SLC4A4: variants seen among roughly 807,000 people sequenced by gnomAD.
SLC4A4 encodes solute carrier family 4 member 4, also known as electrogenic sodium bicarbonate cotransporter 1.
Under a neutral mutation model 111.5 loss-of-function variants are expected in SLC4A4, and 27 were observed. That is an observed-to-expected ratio of 0.24 (90% confidence interval 0.18 to 0.33). The LOEUF is 0.33. SLC4A4 is among the 10% of genes least tolerant of loss of function. The pLI is 1.00. For synonymous variants in SLC4A4, 443 were observed against 463.4 expected, an observed-to-expected ratio of 0.96 and a Z score of 0.57; for missense variants, 909 against 1,315.5, an observed-to-expected ratio of 0.69 and a Z score of 4.78.
intron 8 of SLC4A4, among the ~76,000 whole-genome samples, chr4:71,443,657 A>T (rs1316350703): frequency 6.6e-6 from 1 of 152,176 alleles, no homozygotes; most frequent in Non-Finnish European, 1.5e-5. Flanking sequence ...TCTTATAAAG[A>T]AGAATAAAAC....
At chr4:71,189,622 A>G (rs1745643437) in intron 1 of SLC4A4, among the ~76,000 whole-genome samples, 1 of 152,208 alleles carries the variant, frequency 6.6e-6, no homozygotes, top group Admixed American at 6.5e-5. Flanking sequence ...TTAAAGGAAA[A>G]GACAACACTT....
intron 2 of SLC4A4, among the ~76,000 whole-genome samples, chr4:71,253,353 T>C (rs1721211570): frequency 6.6e-6 from 1 of 152,172 alleles, no homozygotes; most frequent in Non-Finnish European, 1.5e-5. Flanking sequence ...CAGATTTGGG[T>C]AAATATAATT....
At chr4:71,487,879 C>CT (rs1578023205) in intron 15 of SLC4A4, among the ~76,000 whole-genome samples, 2 of 151,408 alleles carry the variant, frequency 1.3e-5, no homozygotes, top group South Asian at 2.1e-4. Flanking sequence ...CTCTTGACTG[C>CT]TTTTTTTGCT....
intron 3 of SLC4A4, among the ~76,000 whole-genome samples, chr4:71,265,009 GA>G (rs1346988426): frequency 6.6e-6 from 1 of 152,200 alleles, no homozygotes; most frequent in Non-Finnish European, 1.5e-5. Context: ...ACCACACTTG[GA>G]AGGTTTATAG....
intron 3 of SLC4A4, among the ~76,000 whole-genome samples, chr4:71,256,853 T>G (rs922816087): frequency 6.6e-6 from 1 of 152,218 alleles, no homozygotes; most frequent in African/African-American, 2.4e-5. Context: ...CTGTCCATTG[T>G]GCATGTGATT....
At chr4:71,480,373 G>GAA (rs35495269) in intron 14 of SLC4A4, among the ~76,000 whole-genome samples, 4 of 133,928 alleles carry the variant, frequency 3.0e-5, no homozygotes, top group South Asian at 2.3e-4. Flanking sequence ...AGGATAATAA[G>GAA]AAAAAAAAAA....
chr4:71,229,724 A>G (rs1719281911), intron 1 of SLC4A4, among the ~76,000 whole-genome samples: 1 of 151,420 alleles, frequency 6.6e-6, no homozygotes, highest in African/African-American at 2.4e-5. Flanking sequence ...GGATGTCCAG[A>G]GCTCCAGCGG....
intron 3 of SLC4A4, among the ~76,000 whole-genome samples, chr4:71,282,446 C>T (rs746220741): frequency 1.5e-4 from 23 of 151,422 alleles, no homozygotes; most frequent in African/African-American, 3.9e-4. Context: ...CCACCATGCC[C>T]GGCTAATTTT....
At chr4:71,533,302 G>T (rs2149212161) in intron 17 of SLC4A4, among the ~76,000 whole-genome samples, 1 of 152,204 alleles carries the variant, frequency 6.6e-6, no homozygotes, top group Admixed American at 6.5e-5. Flanking sequence ...ATGCATTGAT[G>T]AGTAAGACAA....
At chr4:71,495,919 A>G (rs1238233356) in intron 15 of SLC4A4, among the ~76,000 whole-genome samples, 2 of 152,086 alleles carry the variant, frequency 1.3e-5, no homozygotes, top group Non-Finnish European at 1.5e-5. Context: ...ATCCATTTAG[A>G]TAGGTACAAT....
chr4:71,430,483 T>A (rs999355029), intron 7 of SLC4A4, among the ~76,000 whole-genome samples: 1 of 152,182 alleles, frequency 6.6e-6, no homozygotes, highest in Non-Finnish European at 1.5e-5. Flanking sequence ...TTGTTTAATT[T>A]CATTTAACCT....
intron 6 of SLC4A4, among the ~76,000 whole-genome samples, chr4:71,384,592 C>T (rs914665944): frequency 1.0e-4 from 15 of 149,158 alleles, no homozygotes; most frequent in African/African-American, 3.0e-4. Flanking sequence ...GGCCAGATCA[C>T]GCCATTGCAC....
At chr4:71,339,623 G>A (rs948064588) in intron 4 of SLC4A4, 118 bp downstream of exon 4, 10 of 933,564 alleles carry the variant, frequency 1.1e-5, no homozygotes, top group Admixed American at 1.9e-5. Context: ...TGGGCATGAT[G>A]TTGGCTGGGA....
intron 2 of SLC4A4, among the ~76,000 whole-genome samples, chr4:71,102,669 TA>T (rs1479499549): frequency 1.3e-5 from 2 of 150,074 alleles, no homozygotes; most frequent in African/African-American, 4.9e-5. Flanking sequence ...CCAGCCAAAC[TA>T]AGCTTCATAA....
chr4:71,397,461 T>A, intron 6 of SLC4A4, 116 bp from the exon 7 acceptor site: 2 of 933,084 alleles, frequency 2.1e-6, no homozygotes, highest in Non-Finnish European at 3.5e-6. Flanking sequence ...CCTAGTGTGG[T>A]TAAAAGTATC....
intron 2 of SLC4A4, among the ~76,000 whole-genome samples, chr4:71,160,201 CT>C (rs35708917): frequency 0.18 from 27,006 of 152,034 alleles, 2,862 homozygotes; most frequent in South Asian, 0.34. Context: ...CCCATGTAGT[CT>C]GATTCTATAG....
chr4:71,178,733 G>A (rs1191911489), intron 2 of SLC4A4, among the ~76,000 whole-genome samples: 5 of 152,038 alleles, frequency 3.3e-5, no homozygotes, highest in Non-Finnish European at 7.4e-5. Context: ...AACCAAAAAA[G>A]TCCAGGACCA....
chr4:71,420,019 C>T (rs986213155), intron 7 of SLC4A4, among the ~76,000 whole-genome samples: 6 of 152,190 alleles, frequency 3.9e-5, no homozygotes, highest in Non-Finnish European at 7.3e-5. Flanking sequence ...GAGAAGAAGG[C>T]TTCAGACGAT....
chr4:71,084,122 C>T (rs896800470), intron 1 of SLC4A4, among the ~76,000 whole-genome samples: 5 of 151,934 alleles, frequency 3.3e-5, no homozygotes, highest in South Asian at 2.1e-4. Context: ...CCATCTCACT[C>T]CTGCTTCAAA....
Sources: allele counts gnomAD v4.1 joint callset (sites outside exome capture counted in the v4.1 genomes callset), GRCh38; gene constraint gnomAD v4.1.1; transcripts MANE v1.5; gene names NCBI Gene and HGNC (gene_info 2026-07-23, HGNC 2026-07-21).